POLE: variants seen among roughly 807,000 people sequenced by gnomAD.
POLE encodes DNA polymerase epsilon, catalytic subunit.
Under a neutral mutation model 279.2 loss-of-function variants are expected in POLE, and 188 were observed. The observed-to-expected ratio is 0.67, with a 90% CI of 0.60 to 0.76. The LOEUF (loss-of-function observed/expected upper bound fraction) is 0.76. Ranked by LOEUF, POLE falls within the 30% of genes least tolerant of loss-of-function variation. POLE has a pLI of 0.00. For synonymous variants in POLE, 1,214 were observed against 1,172.5 expected (o/e 1.04, Z -0.72); for missense variants, 2,703 against 3,016.7 (o/e 0.90, Z 2.44).
chr12:132,641,515 C>G (rs1340873999), intron 39 of POLE, 132 bp downstream of exon 39: 2 of 743,354 alleles, frequency 2.7e-6, no homozygotes, highest in African/African-American at 3.5e-5. Context: ...ACTCGCCACA[C>G]AGTGGTCTCT....
At position 132,626,019 on chromosome 12, in the gene POLE, G is replaced by A. The variant is rs1023386701; in HGVS notation, c.6531+98C>T. The A allele has an allele frequency of 6.5e-5, 82 of 1,257,124 alleles. No individual in the cohort carries two copies. In the African/African-American group the frequency reaches 1.1e-3, roughly 17 times the overall value. 77.9% of individuals were successfully genotyped at this position (1,257,124 alleles called of 1,614,324 possible). A position where few individuals can be genotyped will look rare whatever the true frequency, so the allele number is the denominator to read the frequency against. ...CATGTGAGTCAGAGGGGCAGCAGGT[G>A]TGACCCACAGAGCTGGAGCTGCAGA... On this transcript the variant is annotated intron_variant, in intron 46 of 48. Transcript: ENST00000320574.
chr12:132,658,410 C>T (rs1159965621), intron 26 of POLE: 2 of 171,350 alleles, frequency 1.2e-5, no homozygotes, highest in African/African-American at 4.8e-5. Context: ...TTCTGAGTAA[C>T]CACGCGCATG....
At chr12:132,682,061 C>T (rs900641534) in intron 1 of POLE, among the ~76,000 whole-genome samples, 6 of 151,996 alleles carry the variant, frequency 3.9e-5, no homozygotes, top group Non-Finnish European at 8.8e-5. Flanking sequence ...CGTGGGAGGC[C>T]GAGGCGGGCG....
rs761715703 is a variant in POLE, at chr12:132,642,959, T to C, written c.4589A>G (p.Tyr1530Cys). The change falls in exon 36 of 49, where the codon TAC becomes TGC. Residue 1530 changes from tyrosine to cysteine, a missense_variant. Tyr to Cys is a radical substitution (Grantham distance 194). Around this residue, in one of 5 missense-constraint regions of POLE, gnomAD observed 1,551 missense variants for 1,686.1 expected, o/e 0.92. Transcript: ENST00000320574. ...CAGGAGGAGGCCGTGCTCTGCTGAG[T>C]ACAGGGCGCCAAGGCTGGGCATCTG... ...SNQMPSLGAL[Y>C]SAEHGLLLEK... The C allele has an allele frequency of 8.7e-6, 14 of 1,602,378 alleles. No homozygotes were observed. In the South Asian group the frequency reaches 1.3e-4, roughly 15 times the overall value.
Position 132,648,796 on chromosome 12 carries a change from C to T in POLE, c.4149+133G>A, listed in dbSNP as rs552554025. On this transcript the variant is annotated intron_variant, in intron 32 of 48. Coordinates refer to ENST00000320574, the MANE Select transcript of POLE (RefSeq NM_006231.4). ...AGGCTCGGTGCTCAGCGCTCACACA[C>T]GTTGTTTTGAGGAATTCCTAGAACA... 2.9e-4 allele frequency: 285 copies of T among 974,610 alleles called. 1 individual carries two copies. The highest frequency in any genetic ancestry group is 4.1e-4 in the Non-Finnish European group (267 of 658,984). 60.4% of individuals were successfully genotyped at this position (974,610 alleles called of 1,614,324 possible). A position where few individuals can be genotyped will look rare whatever the true frequency, so the allele number is the denominator to read the frequency against.
intron 16 of POLE, among the ~76,000 whole-genome samples, chr12:132,669,742 G>A (rs1006677127): frequency 2.0e-5 from 3 of 152,184 alleles, no homozygotes; most frequent in African/African-American, 4.8e-5. Context: ...CAAGTGAATG[G>A]CCAAGTTTCC....
Position 132,634,740 on chromosome 12 carries a change from C to T in POLE, c.5812-362G>A, listed in dbSNP as rs114134285. Reference sequence around the variant, plus strand: ...AGTCCATGAATCTCCTGGGACGGCACGACCCCATCACAGACCCAGCCTCCC... The same window carrying T: ...AGTCCATGAATCTCCTGGGACGGCATGACCCCATCACAGACCCAGCCTCCC... On this transcript the variant is annotated intron_variant, in intron 42 of 48. Coordinates refer to ENST00000320574, the MANE Select transcript of POLE (RefSeq NM_006231.4). This position sits in a 1 kb window ranked among gnomAD's most constrained non-coding sequence, Gnocchi z 4.0. 2.6e-3 allele frequency among the ~76,000 whole-genome samples: 392 copies of T among 152,264 alleles called. 2 individuals are homozygous for T. The highest frequency in any genetic ancestry group is 8.2e-3 in the African/African-American group (342 of 41,536).
At chr12:132,649,601 G>A in intron 30 of POLE, 76 bp downstream of exon 30, 1 of 1,598,580 alleles carries the variant, frequency 6.3e-7, no homozygotes. Flanking sequence ...CCTCCCTAGG[G>A]GTCAGGACGC....
Position 132,657,391 on chromosome 12 carries a change from G to T in POLE, c.3417C>A (p.Ser1139Arg), listed in dbSNP as rs762838377. ...GGATGGTGATGATCTTCTGGATGGC[G>T]CTTCCCAGCCGCTCAATGTAGTAGT... The part of the protein sequence containing the change: ...DWDYYIERLG[S>R]AIQKIITIPA... Residue 1139 changes from serine to arginine, a missense_variant, in exon 28 of 49, where the codon AGC (serine) becomes AGA (arginine). Physicochemically the swap from Ser to Arg is moderately radical, Grantham distance 110. This residue lies in a region of POLE where 1,551 missense variants were observed against 1,686.1 expected (regional missense o/e 0.92). Coordinates refer to ENST00000320574, the MANE Select transcript of POLE (RefSeq NM_006231.4). The T allele has an allele frequency of 1.2e-6, 2 of 1,613,944 alleles. No individual in the cohort carries two copies. The highest frequency in any genetic ancestry group is 2.2e-5 in the South Asian group (2 of 91,076).
chr12:132,625,449 T>C (rs772568726), intron 47 of POLE, 196 bp downstream of exon 47: 5 of 797,806 alleles, frequency 6.3e-6, no homozygotes, highest in African/African-American at 5.0e-5. Context: ...AGGCCAGCTC[T>C]TGACCCAAGG....
intron 1 of POLE, among the ~76,000 whole-genome samples, chr12:132,685,025 G>A: frequency 1.3e-5 from 1 of 76,636 alleles, no homozygotes; most frequent in Non-Finnish European, 3.0e-5. Context: ...ACCATTGACT[G>A]GTTACTGTAT....
In POLE at chr12:132,675,947, G is replaced by A. The variant is rs548086149; in HGVS notation, c.1021-127C>T. ...TTATTCCTGCCCCGCCCCTCCGCCC[G>A]TCTCTGGCAGAAAAGACGGTCATAC... On this transcript the variant is annotated intron_variant, in intron 10 of 48. Coordinates refer to ENST00000320574, the MANE Select transcript of POLE (RefSeq NM_006231.4). The surrounding 1 kb of genome is among the most constrained non-coding windows in gnomAD (Gnocchi z 4.3). 4.4e-5 allele frequency: 41 copies of A among 941,248 alleles called. No individual in the cohort carries two copies. Among genetic ancestry groups the A allele is most frequent in the South Asian group, 1.0e-4 (7 of 69,702 alleles). The allele number at this position is 941,248 out of a possible 1,614,324, so 58.3% of individuals were successfully genotyped here. A position where few individuals can be genotyped will look rare whatever the true frequency, so the allele number is the denominator to read the frequency against.
In POLE at chr12:132,667,420, G is replaced by A. The variant is rs1270169759; in HGVS notation, c.2319+83C>T. On this transcript the variant is annotated intron_variant, in intron 20 of 48. Coordinates refer to ENST00000320574, the MANE Select transcript of POLE (RefSeq NM_006231.4). ...CAAGTGCCTGCTCAGAGGATCCCAGGCAAGGAGCCAAGAGTGCCCACTTCA... is the reference window on the plus strand; with the variant it reads ...CAAGTGCCTGCTCAGAGGATCCCAGACAAGGAGCCAAGAGTGCCCACTTCA... The A allele has an allele frequency of 4.9e-6, 7 of 1,435,480 alleles. No individual in the cohort carries two copies. In the Admixed American group the frequency reaches 5.4e-5, roughly 11 times the overall value. 88.9% of individuals were successfully genotyped at this position (1,435,480 alleles called of 1,614,324 possible).
chr12:132,648,564 T>C (rs1043908051), intron 32 of POLE: 55 of 190,662 alleles, frequency 2.9e-4, no homozygotes, highest in Admixed American at 2.1e-3. Context: ...CTAAAAGTCA[T>C]TGAATTCTGC....
At chr12:132,654,284 G>A (rs2042486443) in intron 29 of POLE, among the ~76,000 whole-genome samples, 1 of 151,588 alleles carries the variant, frequency 6.6e-6, no homozygotes, top group South Asian at 2.1e-4. Context: ...TATTGCCCAG[G>A]CAGGTCTCGA....
At chr12:132,683,750 G>A (rs1401653681) in intron 1 of POLE, among the ~76,000 whole-genome samples, 2 of 152,206 alleles carry the variant, frequency 1.3e-5, no homozygotes, top group African/African-American at 2.4e-5. Flanking sequence ...AAATATCCTT[G>A]CCTCAAGTAA....
chr12:132,627,098 C>T (rs755583008), intron 45 of POLE, among the ~76,000 whole-genome samples: 11 of 152,174 alleles, frequency 7.2e-5, no homozygotes, highest in Non-Finnish European at 1.5e-4. Flanking sequence ...CTGGCCAACA[C>T]AGTGAAACCC....
At position 132,638,120 on chromosome 12, in the gene POLE, G is replaced by A. The variant is rs1193081581; in HGVS notation, c.5572C>T (p.Arg1858Cys). 6 of 1,613,702 alleles carry A rather than the reference G, an allele frequency of 3.7e-6. No individual in the cohort carries two copies. The Admixed American group carries it at 5.0e-5, about 13-fold the overall frequency. The part of the protein sequence containing the change: ...LFLQLIAEFK[R>C]LGSSVIYANF... ...GCGTAGATGACTGATGACCCCAGGCGCTTGAACTCAGCGATGAGCCTGTGG... is the reference window on the plus strand; with the variant it reads ...GCGTAGATGACTGATGACCCCAGGCACTTGAACTCAGCGATGAGCCTGTGG... The change falls in exon 41 of 49, where the codon CGC becomes TGC. Residue 1858 changes from arginine (R) to cysteine (C), a missense_variant. Physicochemically the swap from Arg to Cys is radical, Grantham distance 180. Around this residue, in one of 5 missense-constraint regions of POLE, gnomAD observed 1,551 missense variants for 1,686.1 expected, o/e 0.92. Coordinates refer to ENST00000320574, the MANE Select transcript of POLE (RefSeq NM_006231.4).
At position 132,664,436 on chromosome 12, in the gene POLE, G is replaced by A. The variant is rs2135958422; in HGVS notation, c.2495C>T (p.Ala832Val). 1 of 1,614,068 alleles carries A rather than the reference G, an allele frequency of 6.2e-7. No individual in the cohort carries two copies. Among genetic ancestry groups the A allele is most frequent in the Non-Finnish European group, 8.5e-7 (1 of 1,180,018 alleles). The change falls in exon 22 of 49, where the codon GCT (alanine) becomes GTT (valine). Residue 832 changes from alanine to valine, a missense_variant. By Grantham distance (64) the Ala-to-Val change is moderately conservative. Around this residue, in one of 5 missense-constraint regions of POLE, gnomAD observed 21 missense variants for 51.9 expected, o/e 0.40. Transcript: ENST00000320574. This position sits in a 1 kb window ranked among gnomAD's most constrained non-coding sequence, Gnocchi z 5.3. ...KGARWYSMEMAGIVCFTGANI... is the reference protein window; with the variant it reads ...KGARWYSMEMVGIVCFTGANI... Reference sequence around the variant, plus strand: ...GGCCCCTGTGAAGCAGACGATGCCAGCCATCTCCATGGAGTACCAGCGAGC... The same window carrying A: ...GGCCCCTGTGAAGCAGACGATGCCAACCATCTCCATGGAGTACCAGCGAGC...
Sources: allele counts gnomAD v4.1 joint callset (sites outside exome capture counted in the v4.1 genomes callset), GRCh38; gene constraint gnomAD v4.1.1; regional missense constraint gnomAD v4.1.1; non-coding constraint Gnocchi (gnomAD v3.1); transcripts MANE v1.5; gene names NCBI Gene and HGNC (gene_info 2026-07-23, HGNC 2026-07-21).